Variants in ITGA9 observed in about 807,000 individuals in gnomAD.
ITGA9 encodes the protein integrin subunit alpha 9.
A neutral mutation model predicts 127.8 loss-of-function variants in ITGA9; 56 were observed. The ratio of observed to expected loss-of-function variants is 0.44; its 90% CI spans 0.35 to 0.55. The LOEUF is 0.55. Ranked by LOEUF, ITGA9 falls within the 20% of genes least tolerant of loss-of-function variation. The pLI is 0.00. For missense variants in ITGA9, 1,196 were observed against 1,347.1 expected (o/e 0.89, Z 1.76); for synonymous variants, 508 against 514.5 (o/e 0.99, Z 0.17).
intron 15 of ITGA9, among the ~76,000 whole-genome samples, chr3:37,624,949 C>G (rs542279083): frequency 2.0e-5 from 3 of 152,164 alleles, no homozygotes; most frequent in African/African-American, 7.2e-5. Flanking sequence ...CATGCTACCC[C>G]CTTCCCAGCT....
At chr3:37,756,389 G>A (rs1258428972) in intron 23 of ITGA9, among the ~76,000 whole-genome samples, 2 of 152,120 alleles carry the variant, frequency 1.3e-5, no homozygotes, top group Admixed American at 6.5e-5. Context: ...CACATTCACA[G>A]TCATTGCAAG....
chr3:37,788,655 A>G (rs574987568), intron 26 of ITGA9, among the ~76,000 whole-genome samples: 2 of 152,272 alleles, frequency 1.3e-5, no homozygotes, highest in African/African-American at 4.8e-5. Flanking sequence ...TGCCATGCTA[A>G]TAAGTGTGCT....
intron 15 of ITGA9, among the ~76,000 whole-genome samples, chr3:37,589,174 C>T (rs1466564641): frequency 1.3e-5 from 2 of 152,292 alleles, no homozygotes; most frequent in South Asian, 2.1e-4. Context: ...AATCTTCATA[C>T]AGCACTTGGC....
At chr3:37,525,831 C>T (rs1272480374) in intron 12 of ITGA9, among the ~76,000 whole-genome samples, 195 bp from the exon 13 acceptor site, 1 of 152,140 alleles carries the variant, frequency 6.6e-6, no homozygotes, top group Non-Finnish European at 1.5e-5. Flanking sequence ...GCCCCAGTAG[C>T]CTGCGTAGGG....
At chr3:37,740,975 TG>T (rs1559584220) in intron 20 of ITGA9, among the ~76,000 whole-genome samples, 1 of 152,218 alleles carries the variant, frequency 6.6e-6, no homozygotes. Flanking sequence ...GCCTCTTTCC[TG>T]GGCTTGGCTG....
chr3:37,794,579 G>A (rs761262159), intron 26 of ITGA9, among the ~76,000 whole-genome samples: 1 of 152,168 alleles, frequency 6.6e-6, no homozygotes, highest in African/African-American at 2.4e-5. Flanking sequence ...ATTCTCCATC[G>A]CTTGAGGTAA....
At chr3:37,486,646 T>A (rs1698613243) in intron 4 of ITGA9, among the ~76,000 whole-genome samples, 1 of 152,242 alleles carries the variant, frequency 6.6e-6, no homozygotes, top group African/African-American at 2.4e-5. Context: ...TGGATATTCC[T>A]AAAATGATTT....
intron 27 of ITGA9, among the ~76,000 whole-genome samples, chr3:37,815,909 G>A (rs754846588): frequency 6.6e-6 from 1 of 152,122 alleles, no homozygotes; most frequent in South Asian, 2.1e-4. Flanking sequence ...TGGCTAGTCT[G>A]GGAGGGCTTC....
chr3:37,625,935 G>A (rs1700172242), intron 15 of ITGA9, among the ~76,000 whole-genome samples: 1 of 152,152 alleles, frequency 6.6e-6, no homozygotes, highest in Non-Finnish European at 1.5e-5. Context: ...ATAAGAAGCT[G>A]CTTTTCAGAC....
intron 18 of ITGA9, among the ~76,000 whole-genome samples, chr3:37,708,404 G>A (rs1273596538): frequency 6.6e-6 from 1 of 152,352 alleles, no homozygotes; most frequent in African/African-American, 2.4e-5. Flanking sequence ...TCTACCTCGT[G>A]ATGGGAGTAG....
At chr3:37,472,629 C>G (rs1044711634) in intron 2 of ITGA9, among the ~76,000 whole-genome samples, 12 of 152,092 alleles carry the variant, frequency 7.9e-5, no homozygotes, top group African/African-American at 2.9e-4. Flanking sequence ...CTTCTGGCCT[C>G]AAGTGAACCG....
chr3:37,521,118 T>C (rs988215538), intron 11 of ITGA9, among the ~76,000 whole-genome samples: 1 of 152,052 alleles, frequency 6.6e-6, no homozygotes, highest in Non-Finnish European at 1.5e-5. Flanking sequence ...TTTTGGGCTC[T>C]TAAGGAAAAA....
chr3:37,598,694 G>C (rs1699890208), intron 15 of ITGA9, among the ~76,000 whole-genome samples: 1 of 152,160 alleles, frequency 6.6e-6, no homozygotes, highest in Non-Finnish European at 1.5e-5. Flanking sequence ...TAGGCCCCAA[G>C]TGTGTCAAGC....
intron 15 of ITGA9, among the ~76,000 whole-genome samples, chr3:37,578,213 A>T (rs910467186): frequency 3.9e-5 from 6 of 152,182 alleles, no homozygotes; most frequent in African/African-American, 1.4e-4. Context: ...TGTTGGAAAG[A>T]AAGGTTTGAT....
At position 37,654,190 on chromosome 3, in the gene ITGA9, CCACACACACACACACACA is replaced by C. The variant is rs67516814; in HGVS notation, c.1916+424_1916+441del. On this transcript the variant is annotated intron_variant, in intron 17 of 27. Transcript: ENST00000264741. ...AATAAAGGTTTATGCCCTCCTGCCT[CCACACACACACACACACA>C]CACACACACACACACACACACACTA... is the stretch of plus-strand genomic sequence containing the variant. 6.1e-4 allele frequency among the ~76,000 whole-genome samples: 89 copies of C among 146,404 alleles called. No homozygotes were observed. The East Asian group carries it at 0.014, about 23-fold the overall frequency.
At chr3:37,519,425 A>G in intron 11 of ITGA9, 71 bp downstream of exon 11, 1 of 1,196,958 alleles carries the variant, frequency 8.4e-7, no homozygotes, top group Non-Finnish European at 1.2e-6. Context: ...AACCTTCATT[A>G]TGCACCATGC....
intron 16 of ITGA9, among the ~76,000 whole-genome samples, chr3:37,630,548 G>A (rs1241320211): frequency 6.6e-6 from 1 of 152,224 alleles, no homozygotes; most frequent in Non-Finnish European, 1.5e-5. Context: ...CCATTGACTG[G>A]CTGTGGGGGG....
intron 18 of ITGA9, among the ~76,000 whole-genome samples, chr3:37,706,248 T>C (rs772609320): frequency 6.6e-6 from 1 of 152,196 alleles, no homozygotes; most frequent in Non-Finnish European, 1.5e-5. Context: ...CAATATGCCC[T>C]CTCTCTATCT....
intron 4 of ITGA9, 99 bp from the exon 5 acceptor site, chr3:37,494,402 C>T: frequency 4.8e-6 from 4 of 832,544 alleles, no homozygotes; most frequent in Non-Finnish European, 8.2e-6. Context: ...CCTGCCGCGG[C>T]ACTCGTGGGA....
Sources: allele counts gnomAD v4.1 joint callset (sites outside exome capture counted in the v4.1 genomes callset), GRCh38; gene constraint gnomAD v4.1.1; transcripts MANE v1.5; gene names NCBI Gene and HGNC (gene_info 2026-07-23, HGNC 2026-07-21).